The following DOCK10 variants were observed in gnomAD, a reference collection of about 807,000 sequenced individuals.
DOCK10 encodes the protein dedicator of cytokinesis 10.
Under a neutral mutation model 280.1 loss-of-function variants are expected in DOCK10, and 145 were observed. That is an observed-to-expected ratio of 0.52 (90% CI 0.45 to 0.59). The LOEUF (loss-of-function observed/expected upper bound fraction) is 0.59, where lower values mean the gene tolerates loss of function less well. Among genes scored for constraint, DOCK10 ranks in the 20% least tolerant of loss-of-function variants. DOCK10 has a pLI of 0.00. For synonymous variants in DOCK10, 915 were observed against 942.2 expected (o/e 0.97, Z 0.53); for missense variants, 2,368 against 2,651.7 (o/e 0.89, Z 2.35).
chr2:224,955,316 T>C (rs1342801694), intron 1 of DOCK10, among the ~76,000 whole-genome samples: 1 of 152,230 alleles, frequency 6.6e-6, no homozygotes, highest in Non-Finnish European at 1.5e-5. Context: ...TTACATATGC[T>C]TTATTCTTGT....
chr2:224,955,678 A>G (rs550423144), intron 1 of DOCK10, among the ~76,000 whole-genome samples: 1 of 152,372 alleles, frequency 6.6e-6, no homozygotes, highest in Admixed American at 6.5e-5. Flanking sequence ...TTGGGTTTGC[A>G]ATCAAGAACT....
chr2:224,849,072 T>C (rs543462936), intron 19 of DOCK10, among the ~76,000 whole-genome samples: 1 of 152,228 alleles, frequency 6.6e-6, no homozygotes. Context: ...GACTCCCTGG[T>C]TCAAGCGAGT....
intron 43 of DOCK10, 73 bp from the exon 44 acceptor site, chr2:224,796,499 G>A: frequency 1.1e-6 from 1 of 911,342 alleles, no homozygotes; most frequent in Non-Finnish European, 1.7e-6. Context: ...CACTGGGCTG[G>A]GTAAATGTAT....
intron 1 of DOCK10, among the ~76,000 whole-genome samples, chr2:225,021,148 A>G (rs1032707818): frequency 2.6e-5 from 4 of 152,204 alleles, no homozygotes; most frequent in African/African-American, 9.6e-5. Flanking sequence ...CCACATTTCC[A>G]TGTGCATTAT....
intron 1 of DOCK10, among the ~76,000 whole-genome samples, chr2:224,946,462 T>A (rs1575099785): frequency 1.3e-5 from 2 of 152,178 alleles, no homozygotes; most frequent in Admixed American, 6.5e-5. Flanking sequence ...GACAATTTTT[T>A]AAAAATACAA....
intron 2 of DOCK10, among the ~76,000 whole-genome samples, chr2:224,924,868 G>A (rs1445757808): frequency 1.3e-5 from 2 of 151,998 alleles, no homozygotes; most frequent in Non-Finnish European, 2.9e-5. Context: ...AAGAAGCGTC[G>A]GCCAAAAGCA....
chr2:224,920,150 G>A (rs1701612051), intron 2 of DOCK10, among the ~76,000 whole-genome samples: 1 of 152,096 alleles, frequency 6.6e-6, no homozygotes, highest in Admixed American at 6.6e-5. Context: ...ACAGCTCACA[G>A]CAGCCTCGAC....
At chr2:224,787,889 C>T (rs1159270260) in intron 48 of DOCK10, among the ~76,000 whole-genome samples, 2 of 152,146 alleles carry the variant, frequency 1.3e-5, no homozygotes, top group Non-Finnish European at 2.9e-5. Context: ...TCTTTCAATG[C>T]TCTGTCACTG....
intron 1 of DOCK10, among the ~76,000 whole-genome samples, chr2:224,992,809 T>A (rs78527712): frequency 0.06 from 9,109 of 152,256 alleles, 316 homozygotes; most frequent in Middle Eastern, 0.12. Context: ...TGCTTGTCCA[T>A]AAAATTAGAG....
chr2:224,816,666 A>G lies in DOCK10; in HGVS notation c.3315T>C (p.His1105=). 2 of 1,609,462 alleles carry G rather than the reference A, an allele frequency of 1.2e-6. No homozygotes were observed. Among genetic ancestry groups the G allele is most frequent in the South Asian group, 2.2e-5 (2 of 89,866 alleles). Residue 1105 remains histidine, a synonymous_variant, in exon 30 of 56, where the codon CAT becomes CAC. Coordinates refer to ENST00000258390, the MANE Select transcript of DOCK10 (RefSeq NM_014689.3). ...KFDFLQEVCQ[H]EHFIPLCLPI... is the part of the protein sequence containing the mutation. ...GCAGACACAAAGGGATAAAGTGTTC[A>G]TGTTGACATACTTCTTGAAGAAAAT...
At chr2:224,883,236 C>A (rs980183512) in intron 7 of DOCK10, among the ~76,000 whole-genome samples, 3 of 152,166 alleles carry the variant, frequency 2.0e-5, no homozygotes, top group Non-Finnish European at 2.9e-5. Context: ...CTCGAGATAT[C>A]GTGTGATAGT....
intron 29 of DOCK10, among the ~76,000 whole-genome samples, chr2:224,819,173 G>T (rs766020261): frequency 2.6e-5 from 4 of 152,218 alleles, no homozygotes; most frequent in Non-Finnish European, 4.4e-5. Flanking sequence ...AAACTGGACT[G>T]TAGGAATTGT....
chr2:224,966,150 A>C (rs890623378), intron 1 of DOCK10, among the ~76,000 whole-genome samples: 1 of 152,196 alleles, frequency 6.6e-6, no homozygotes, highest in Non-Finnish European at 1.5e-5. Flanking sequence ...AACATTACAG[A>C]GTGTGCAGCC....
intron 22 of DOCK10, among the ~76,000 whole-genome samples, chr2:224,842,357 A>T (rs970408874): frequency 7.2e-5 from 11 of 152,234 alleles, no homozygotes; most frequent in African/African-American, 2.7e-4. Flanking sequence ...TAGAAAGTCC[A>T]CAACTCATTA....
chr2:224,786,984 G>T lies in DOCK10; in HGVS notation c.5655+38C>A. Reference sequence around the variant, plus strand: ...ATGAAAGACAACATTCAACTGCTCAGCAGAATTTATGGGCCGTGTTATTTC... The same window carrying T: ...ATGAAAGACAACATTCAACTGCTCATCAGAATTTATGGGCCGTGTTATTTC... On this transcript the variant is annotated intron_variant, in intron 50 of 55. Transcript: ENST00000258390. This position sits in a 1 kb window ranked among gnomAD's most constrained non-coding sequence, Gnocchi z 4.7. 6.9e-7 allele frequency: 1 copy of T among 1,452,164 alleles called. No individual in the cohort carries two copies. Among genetic ancestry groups the T allele is most frequent in the Non-Finnish European group, 9.7e-7 (1 of 1,032,538 alleles). 90.0% of individuals were successfully genotyped at this position (1,452,164 alleles called of 1,614,324 possible).
chr2:224,816,789 A>G, intron 29 of DOCK10, 76 bp from the exon 30 acceptor site: 1 of 796,188 alleles, frequency 1.3e-6, no homozygotes, highest in East Asian at 2.7e-5. Flanking sequence ...CAAAATCTGC[A>G]CTTGAATCTT....
chr2:224,837,111 A>G (rs910260304), intron 25 of DOCK10, among the ~76,000 whole-genome samples: 1 of 152,186 alleles, frequency 6.6e-6, no homozygotes, highest in Non-Finnish European at 1.5e-5. Flanking sequence ...CTTTCTTTTC[A>G]TTCAAGAGGA....
Position 224,877,737 on chromosome 2 carries a change from G to A in DOCK10, c.748-1516C>T, listed in dbSNP as rs191512026. Among the ~76,000 whole-genome samples, 476 of 152,268 alleles carry A rather than the reference G, an allele frequency of 3.1e-3. 8 individuals are homozygous for A. Among genetic ancestry groups the A allele is most frequent in the African/African-American group, 0.01 (432 of 41,564 alleles). On this transcript the variant is annotated intron_variant, in intron 7 of 55. Coordinates refer to ENST00000258390, the MANE Select transcript of DOCK10 (RefSeq NM_014689.3). ...AAGTTCAGGGAAGGACATTTAAAGC[G>A]GGGGAACCCAAGAACAAATTGTTAC...
At chr2:224,787,692 G>A (rs1036624641) in intron 48 of DOCK10, among the ~76,000 whole-genome samples, 6 of 152,140 alleles carry the variant, frequency 3.9e-5, no homozygotes, top group African/African-American at 9.7e-5. Context: ...AGTTTTGAGC[G>A]AGTCTGTTTT....
Sources: gnomAD v4.1 joint callset for allele counts (sites outside exome capture counted in the v4.1 genomes callset) on GRCh38, gnomAD v4.1.1 for gene constraint, Gnocchi (gnomAD v3.1) non-coding constraint, MANE v1.5 for transcripts, NCBI Gene and HGNC (gene_info 2026-07-23, HGNC 2026-07-21) for gene names.